CADM2: variants seen among roughly 807,000 people sequenced by gnomAD.
CADM2 encodes the protein immunoglobulin superfamily member 4D.
A neutral mutation model predicts 49.8 loss-of-function variants in CADM2; 12 were observed. The ratio of observed to expected loss-of-function variants is 0.24; its 90% CI spans 0.15 to 0.39. CADM2 has a LOEUF of 0.39. CADM2 is among the 10% of genes least tolerant of loss of function. CADM2 has a pLI of 1.00. For synonymous variants in CADM2, 214 were observed against 175.4 expected (o/e 1.22, Z -1.74); for missense variants, 378 against 492.3 (o/e 0.77, Z 2.20).
At chr3:85,726,466 C>G (rs200290004) in intron 1 of CADM2, 56 bp from the exon 2 acceptor site, 1 of 1,590,386 alleles carries the variant, frequency 6.3e-7, no homozygotes, top group African/African-American at 1.3e-5. Flanking sequence ...ACTAGAGAAT[C>G]TGTCTAATAT....
At chr3:85,149,994 G>A (rs1019574186) in intron 1 of CADM2, among the ~76,000 whole-genome samples, 2 of 152,116 alleles carry the variant, frequency 1.3e-5, no homozygotes, top group African/African-American at 4.8e-5. Context: ...GAAGCTACAT[G>A]GTCTTTTCTG....
intron 1 of CADM2, among the ~76,000 whole-genome samples, chr3:85,413,391 T>C (rs967121885): frequency 2.0e-5 from 3 of 151,952 alleles, no homozygotes; most frequent in Non-Finnish European, 4.4e-5. Flanking sequence ...GTAGAGGGGC[T>C]TCCATTTGAT....
At chr3:85,424,438 G>T (rs1010179265) in intron 1 of CADM2, among the ~76,000 whole-genome samples, 1 of 151,830 alleles carries the variant, frequency 6.6e-6, no homozygotes, top group East Asian at 1.9e-4. Context: ...CTTCTTGCCT[G>T]TATATTTATA....
At chr3:84,993,269 A>G (rs1170731135) in intron 1 of CADM2, among the ~76,000 whole-genome samples, 1 of 152,160 alleles carries the variant, frequency 6.6e-6, no homozygotes, top group African/African-American at 2.4e-5. Flanking sequence ...GTGCATAGCT[A>G]CTATAGCCCA....
chr3:85,141,039 A>G (rs1012528027), intron 1 of CADM2, among the ~76,000 whole-genome samples: 1 of 152,174 alleles, frequency 6.6e-6, no homozygotes, highest in African/African-American at 2.4e-5. Flanking sequence ...CAGAGACTAA[A>G]TATATGTATT....
At chr3:85,211,628 A>G (rs1404907761) in intron 1 of CADM2, among the ~76,000 whole-genome samples, 3 of 152,032 alleles carry the variant, frequency 2.0e-5, no homozygotes, top group Admixed American at 2.0e-4. Context: ...GTTTAATTTC[A>G]TTGTGGTTAG....
chr3:85,038,196 G>A (rs762702095), intron 1 of CADM2, among the ~76,000 whole-genome samples: 24 of 152,098 alleles, frequency 1.6e-4, no homozygotes, highest in Non-Finnish European at 2.9e-4. Flanking sequence ...GTGCCAAGCA[G>A]CAAAAAGAGC....
At chr3:85,575,443 C>T (rs1020664919) in intron 1 of CADM2, among the ~76,000 whole-genome samples, 28 of 152,194 alleles carry the variant, frequency 1.8e-4, no homozygotes, top group Admixed American at 5.9e-4. Flanking sequence ...CCCAGCTACA[C>T]GGGAAGCTGA....
chr3:85,970,040 A>G (rs1431554672), intron 8 of CADM2, among the ~76,000 whole-genome samples: 1 of 149,922 alleles, frequency 6.7e-6, no homozygotes, highest in Non-Finnish European at 1.5e-5. Flanking sequence ...GGATAAAATC[A>G]GGGAAATAAT....
intron 1 of CADM2, among the ~76,000 whole-genome samples, chr3:85,133,948 C>A (rs6791040): frequency 0.061 from 9,259 of 152,302 alleles, 939 homozygotes; most frequent in African/African-American, 0.21. Context: ...CGCACAGGAG[C>A]CCACGGAGGG....
At chr3:85,518,232 C>A (rs66963835) in intron 1 of CADM2, among the ~76,000 whole-genome samples, 45,007 of 152,032 alleles carry the variant, frequency 0.3, 7,911 homozygotes, top group East Asian at 0.55. Flanking sequence ...TTCTAGGGAT[C>A]CTCCCACCTC....
chr3:85,823,776 C>A (rs146514029), intron 3 of CADM2, among the ~76,000 whole-genome samples: 209 of 152,058 alleles, frequency 1.4e-3, no homozygotes, highest in African/African-American at 4.7e-3. Context: ...AAGTGGATGA[C>A]CTTGTAGAGA....
intron 1 of CADM2, among the ~76,000 whole-genome samples, chr3:85,013,297 G>T (rs2034085456): frequency 6.6e-6 from 1 of 151,934 alleles, no homozygotes; most frequent in South Asian, 2.1e-4. Context: ...GTTCTCTCCT[G>T]CTATGCTCAA....
intron 1 of CADM2, among the ~76,000 whole-genome samples, chr3:85,055,412 C>T (rs370145195): frequency 5.3e-5 from 8 of 151,940 alleles, no homozygotes; most frequent in Non-Finnish European, 5.9e-5. Context: ...AATGAAATTG[C>T]ATGCATGCCT....
At chr3:85,224,269 T>A (rs944011758) in intron 1 of CADM2, among the ~76,000 whole-genome samples, 1 of 152,154 alleles carries the variant, frequency 6.6e-6, no homozygotes, top group Admixed American at 6.5e-5. Context: ...ACATCTGTCG[T>A]TTCCTGACTT....
At chr3:85,372,767 C>CA (rs1256026183) in intron 1 of CADM2, among the ~76,000 whole-genome samples, 1 of 152,010 alleles carries the variant, frequency 6.6e-6, no homozygotes, top group Non-Finnish European at 1.5e-5. Context: ...AAAATCATGG[C>CA]AGAAGGTAAA....
chr3:86,073,847 G>A lies in CADM2; in HGVS notation c.*7064G>A, dbSNP rs1448885719. On this transcript the variant is annotated 3_prime_UTR_variant, in exon 10 of 10. Coordinates refer to ENST00000383699, the MANE Select transcript of CADM2 (RefSeq NM_001167675.2). Reference sequence around the variant, plus strand: ...TTATCCATCCATTTTAGTTTTCCTCGATGATGCCCATTTTCTTTGTAAATT... The same window carrying A: ...TTATCCATCCATTTTAGTTTTCCTCAATGATGCCCATTTTCTTTGTAAATT... 1 of 151,148 alleles carries A rather than the reference G, an allele frequency of 6.6e-6. No individual in the cohort carries two copies. Among genetic ancestry groups the A allele is most frequent in the African/African-American group, 2.4e-5 (1 of 41,150 alleles). The allele number at this position is 151,148 out of a possible 1,614,324, so 9.4% of individuals were successfully genotyped here. A position where few individuals can be genotyped will look rare whatever the true frequency, so the allele number is the denominator to read the frequency against.
chr3:86,066,401 C>G lies in CADM2; in HGVS notation c.1097-264C>G, dbSNP rs546177913. 1.3e-4 allele frequency among the ~76,000 whole-genome samples: 18 copies of G among 137,964 alleles called. No individual in the cohort carries two copies. The South Asian group carries it at 4.4e-3, about 34-fold the overall frequency. 90.5% of individuals were successfully genotyped at this position (137,964 alleles called of 152,430 possible). ...CTGTTTGCTACAGCTGTAAGGTTCA[C>G]ATTGATTTTATCCATCATTAAAGAA... On this transcript the variant is annotated intron_variant, in intron 9 of 9. Transcript: ENST00000383699.
intron 1 of CADM2, among the ~76,000 whole-genome samples, chr3:85,265,864 GTATCA>G (rs1254157168): frequency 6.6e-6 from 1 of 151,768 alleles, no homozygotes; most frequent in Non-Finnish European, 1.5e-5. Context: ...TACTTTCTTT[GTATCA>G]TATAATAAAT....
Sources: gnomAD v4.1 joint callset for allele counts (sites outside exome capture counted in the v4.1 genomes callset) on GRCh38, gnomAD v4.1.1 for gene constraint, MANE v1.5 for transcripts, NCBI Gene and HGNC (gene_info 2026-07-23, HGNC 2026-07-21) for gene names.